Variants in CFTR observed in about 807,000 individuals in gnomAD.
The protein encoded by CFTR is cystic fibrosis transmembrane conductance regulator.
CFTR carries 181 observed loss-of-function variants against 171.6 expected under a neutral mutation model. That is an observed-to-expected ratio of 1.05 (90% CI 0.93 to 1.19). CFTR has a LOEUF of 1.19. CFTR is among the 50% of genes most tolerant of loss of function. The pLI is 0.00. For missense variants in CFTR, 1,968 were observed against 1,734.7 expected, an observed-to-expected ratio of 1.13 and a Z score of -2.39; for synonymous variants, 583 against 608.0, an observed-to-expected ratio of 0.96 and a Z score of 0.60.
intron 23 of CFTR, among the ~76,000 whole-genome samples, chr7:117,652,576 C>T (rs1793103979): frequency 6.6e-6 from 1 of 151,962 alleles, no homozygotes; most frequent in Non-Finnish European, 1.5e-5. Context: ...TAACAATTAT[C>T]TCAATTTCTT....
At chr7:117,589,241 CTG>C (rs777968710) in intron 12 of CFTR, among the ~76,000 whole-genome samples, 4 of 151,978 alleles carry the variant, frequency 2.6e-5, no homozygotes, top group African/African-American at 7.2e-5. Context: ...GGGGAAGAAA[CTG>C]TGTACATTTT....
At chr7:117,637,365 G>A (rs1792842491) in intron 22 of CFTR, among the ~76,000 whole-genome samples, 1 of 152,056 alleles carries the variant, frequency 6.6e-6, no homozygotes, top group African/African-American at 2.4e-5. Context: ...GTATTCTGTA[G>A]TCCTATGATT....
At chr7:117,533,536 C>G (rs1798897212) in intron 4 of CFTR, among the ~76,000 whole-genome samples, 1 of 152,064 alleles carries the variant, frequency 6.6e-6, no homozygotes, top group Admixed American at 6.6e-5. Context: ...TTACTAAATG[C>G]TCAACAAATA....
intron 11 of CFTR, among the ~76,000 whole-genome samples, chr7:117,584,998 C>A (rs1791908918): frequency 6.6e-6 from 1 of 150,538 alleles, no homozygotes; most frequent in Admixed American, 6.6e-5. Context: ...TGATTTGATT[C>A]TCAGCTTGGT....
At chr7:117,593,236 G>A (rs2116035659) in intron 14 of CFTR, among the ~76,000 whole-genome samples, 1 of 152,234 alleles carries the variant, frequency 6.6e-6, no homozygotes, top group African/African-American at 2.4e-5. Flanking sequence ...ACATGTACTA[G>A]TGCCAATCTT....
At chr7:117,646,991 AT>A (rs1332218213) in intron 23 of CFTR, among the ~76,000 whole-genome samples, 9 of 152,188 alleles carry the variant, frequency 5.9e-5, no homozygotes, top group Non-Finnish European at 1.2e-4. Context: ...TTTACATGCA[AT>A]CATTTATATG....
chr7:117,613,627 A>G (rs371731238), intron 20 of CFTR, among the ~76,000 whole-genome samples: 1 of 152,142 alleles, frequency 6.6e-6, no homozygotes, highest in East Asian at 1.9e-4. Flanking sequence ...AACCTTCAGA[A>G]CAGTAATATA....
intron 11 of CFTR, among the ~76,000 whole-genome samples, chr7:117,570,830 T>TA (rs1791677186): frequency 6.6e-6 from 1 of 152,212 alleles, no homozygotes; most frequent in Non-Finnish European, 1.5e-5. Context: ...GAGATTATGA[T>TA]ACCAAAGATT....
At position 117,666,967 on chromosome 7, in the gene CFTR, G is replaced by A; in HGVS notation, c.4302G>A (p.Arg1434=). ...YDSIQKLLNE[R]SLFRQAISPS... ...CCATCCAGAAACTGCTGAACGAGAGGAGCCTCTTCCGGCAAGCCATCAGCC... is the reference window on the plus strand; with the variant it reads ...CCATCCAGAAACTGCTGAACGAGAGAAGCCTCTTCCGGCAAGCCATCAGCC... The change falls in exon 27 of 27, where the codon AGG becomes AGA. Residue 1434 remains arginine, a synonymous_variant. Transcript: ENST00000003084. The A allele has an allele frequency of 6.2e-7, 1 of 1,614,018 alleles. No homozygotes were observed. Among genetic ancestry groups the A allele is most frequent in the Non-Finnish European group, 8.5e-7 (1 of 1,179,984 alleles).
At chr7:117,540,371 T>A (rs561584627) in intron 8 of CFTR, 25 bp downstream of exon 8, 2 of 1,596,168 alleles carry the variant, frequency 1.3e-6, no homozygotes, top group Admixed American at 3.4e-5. Context: ...TGCTGCATTA[T>A]ATACTATGAT....
intron 3 of CFTR, among the ~76,000 whole-genome samples, chr7:117,530,248 C>A (rs1798837068): frequency 6.6e-6 from 1 of 152,148 alleles, no homozygotes; most frequent in Non-Finnish European, 1.5e-5. Context: ...CTATTGCTGA[C>A]TGAGAAGGGA....
At chr7:117,631,751 G>A (rs1157478455) in intron 22 of CFTR, among the ~76,000 whole-genome samples, 1 of 152,140 alleles carries the variant, frequency 6.6e-6, no homozygotes, top group Non-Finnish European at 1.5e-5. Context: ...ATAATAAACT[G>A]GTAACCTAGT....
Position 117,667,319 on chromosome 7 carries a change from T to C in CFTR, c.*211T>C. 1 of 567,126 alleles carries C rather than the reference T, an allele frequency of 1.8e-6. No individual in the cohort carries two copies. The highest frequency in any genetic ancestry group is 3.2e-6 in the Non-Finnish European group (1 of 313,880). 35.1% of individuals were successfully genotyped at this position (567,126 alleles called of 1,614,324 possible). On this transcript the variant is annotated 3_prime_UTR_variant, in exon 27 of 27. Coordinates refer to ENST00000003084, the MANE Select transcript of CFTR (RefSeq NM_000492.4). ...AAATGGCTTCCTGGCAATAGTCAAA[T>C]TGTGTGAAAGGTACTTCAAATCCTT... is the stretch of plus-strand genomic sequence containing the variant.
chr7:117,592,636 A>T lies in CFTR; in HGVS notation c.2469A>T (p.Glu823Asp), dbSNP rs777667933. ...AAACTGGCTTGGAAATAAGTGAAGAAATTAACGAAGAAGACTTAAAGGTAG... is the reference window on the plus strand; with the variant it reads ...AAACTGGCTTGGAAATAAGTGAAGATATTAACGAAGAAGACTTAAAGGTAG... ...SQETGLEISE[E>D]INEEDLKECF... is the part of the protein sequence containing the mutation. Residue 823 changes from glutamate (E) to aspartate (D), a missense_variant, in exon 14 of 27, where the codon GAA becomes GAT. Transcript: ENST00000003084. The T allele has an allele frequency of 1.3e-6, 2 of 1,542,522 alleles. No homozygotes were observed. Among genetic ancestry groups the T allele is most frequent in the Non-Finnish European group, 1.7e-6 (2 of 1,152,264 alleles).
At chr7:117,543,761 C>T (rs898370679) in intron 9 of CFTR, among the ~76,000 whole-genome samples, 1 of 152,174 alleles carries the variant, frequency 6.6e-6, no homozygotes, top group African/African-American at 2.4e-5. Context: ...GTCACCTAAA[C>T]TCTGGGCACC....
chr7:117,494,019 ATCTGT>A (rs1727608949), intron 1 of CFTR, among the ~76,000 whole-genome samples: 1 of 152,178 alleles, frequency 6.6e-6, no homozygotes, highest in African/African-American at 2.4e-5. Flanking sequence ...GATCATTTTT[ATCTGT>A]TTAGATGATT....
At chr7:117,627,989 T>C in intron 22 of CFTR, 4 of 475,956 alleles carry the variant, frequency 8.4e-6, no homozygotes, top group Non-Finnish European at 7.5e-6. Context: ...TAAATGTGAT[T>C]GTACTTGCAG....
intron 2 of CFTR, 64 bp from the exon 3 acceptor site, chr7:117,508,970 G>A (rs1798466389): frequency 2.0e-6 from 2 of 1,000,612 alleles, no homozygotes; most frequent in Non-Finnish European, 3.2e-6. Context: ...TATGTTAAGG[G>A]AAATAGGACA....
At chr7:117,510,582 G>A (rs1409588202) in intron 3 of CFTR, among the ~76,000 whole-genome samples, 1 of 152,100 alleles carries the variant, frequency 6.6e-6, no homozygotes, top group Non-Finnish European at 1.5e-5. Context: ...AAGCACTACT[G>A]AGTAGAAGCT....
Sources: gnomAD v4.1 joint callset for allele counts (sites outside exome capture counted in the v4.1 genomes callset) on GRCh38, gnomAD v4.1.1 for gene constraint, MANE v1.5 for transcripts, NCBI Gene and HGNC (gene_info 2026-07-23, HGNC 2026-07-21) for gene names.